PDXDC1: variants seen among roughly 807,000 people sequenced by gnomAD.
PDXDC1 encodes pyridoxal dependent decarboxylase domain containing 1.
In PDXDC1, 42 loss-of-function variants were observed where a neutral mutation model predicts 100.1. The observed-to-expected ratio is 0.42, with a 90% CI of 0.33 to 0.54. PDXDC1 has a LOEUF of 0.54. PDXDC1 is among the 20% of genes least tolerant of loss of function. PDXDC1 has a pLI of 0.10. For synonymous variants in PDXDC1, 260 were observed against 371.7 expected (o/e 0.70, Z 3.46); for missense variants, 636 against 979.2 (o/e 0.65, Z 4.68).
intron 16 of PDXDC1, among the ~76,000 whole-genome samples, chr16:15,066,891 C>A (rs1431428849): frequency 1.3e-5 from 2 of 152,056 alleles, no homozygotes; most frequent in African/African-American, 4.8e-5. Flanking sequence ...ACACTCTGTG[C>A]CTCCAATGCG....
intron 16 of PDXDC1, among the ~76,000 whole-genome samples, chr16:15,056,572 T>C (rs1262747735): frequency 1.3e-5 from 2 of 151,862 alleles, no homozygotes; most frequent in African/African-American, 2.4e-5. Context: ...GGCCAGGAGT[T>C]CGAGACCAGC....
At chr16:14,981,617 A>G (rs112828975) in intron 1 of PDXDC1, among the ~76,000 whole-genome samples, 2,246 of 151,680 alleles carry the variant, frequency 0.015, no homozygotes, top group East Asian at 0.051. Flanking sequence ...TCGTGTTATA[A>G]GATCTGTGTG....
chr16:15,091,673 C>A (rs1048523027), intron 16 of PDXDC1, among the ~76,000 whole-genome samples: 9 of 152,160 alleles, frequency 5.9e-5, no homozygotes, highest in African/African-American at 2.2e-4. Context: ...AAACAGCCAG[C>A]TATAATGATC....
intron 16 of PDXDC1, among the ~76,000 whole-genome samples, chr16:15,123,035 CGGGGCAAGGGAGCGTGAGGCTTA>C: frequency 6.6e-6 from 1 of 150,496 alleles, no homozygotes; most frequent in Non-Finnish European, 1.5e-5. Context: ...ACAGGACACG[CGGGGCAAGGGAGCGTGAGGCTTA>C]GGAGCAATTA....
chr16:15,044,629 C>T (rs2043971279), intron 16 of PDXDC1: 6 of 579,850 alleles, frequency 1.0e-5, no homozygotes, highest in East Asian at 8.5e-5. Flanking sequence ...TGAGGGGATC[C>T]GTATCTGAAC....
chr16:14,999,772 A>G (rs987788339), intron 3 of PDXDC1, among the ~76,000 whole-genome samples: 4 of 152,284 alleles, frequency 2.6e-5, no homozygotes, highest in African/African-American at 4.8e-5. Flanking sequence ...ATAGCAAAAA[A>G]GTAAGTAGCT....
intron 16 of PDXDC1, among the ~76,000 whole-genome samples, chr16:15,122,282 C>T (rs2047461055): frequency 6.7e-6 from 1 of 149,642 alleles, no homozygotes; most frequent in East Asian, 2.0e-4. Context: ...GCCATCTCGG[C>T]TCACTGCAAC....
At chr16:15,001,712 A>C in intron 3 of PDXDC1, 64 bp from the exon 4 acceptor site, 1 of 1,404,844 alleles carries the variant, frequency 7.1e-7, no homozygotes, top group Non-Finnish European at 9.7e-7. Context: ...TGAGGGAAGT[A>C]GCGGGAGAGT....
downstream of PDXDC1, among the ~76,000 whole-genome samples, chr16:15,039,349 A>G (rs2043703093): frequency 6.6e-6 from 1 of 152,208 alleles, no homozygotes; most frequent in African/African-American, 2.4e-5. Context: ...GCATTTCATA[A>G]ATGAGAAGAT....
chr16:15,133,209 T>A, intron 16 of PDXDC1: 2 of 1,189,910 alleles, frequency 1.7e-6, no homozygotes, highest in African/African-American at 3.0e-5. Flanking sequence ...GGTACAGGTC[T>A]TGGTCCCCAG....
chr16:15,003,847 G>C (rs1458994797), intron 4 of PDXDC1, among the ~76,000 whole-genome samples: 18 of 152,338 alleles, frequency 1.2e-4, no homozygotes, highest in Admixed American at 6.5e-5. Flanking sequence ...AGCCGGGCTT[G>C]GTGGTGCGCG....
intron 1 of PDXDC1, among the ~76,000 whole-genome samples, chr16:14,977,631 G>A (rs894536111): frequency 6.6e-6 from 1 of 152,282 alleles, no homozygotes; most frequent in Non-Finnish European, 1.5e-5. Context: ...TGGAATAAAC[G>A]ATTTATATTG....
Position 15,034,369 on chromosome 16 carries a change from T to C in PDXDC1, c.1896T>C (p.Leu632=). ...TGCAGAAGGCAAGTGAAGAACGGCT[T>C]CTGGAAGAGGTGAGGCCCCCGATGG... ...VELQKASEER[L]LEEGVLRQIP... Residue 632 remains leucine (L), a synonymous_variant, in exon 20 of 23, where the codon CTT becomes CTC. Transcript: ENST00000396410. 6.2e-7 allele frequency: 1 copy of C among 1,613,512 alleles called. No individual in the cohort carries two copies. Among genetic ancestry groups the C allele is most frequent in the Non-Finnish European group, 8.5e-7 (1 of 1,179,990 alleles).
chr16:15,038,348 TA>T (rs2043636723), downstream of PDXDC1: 2 of 621,242 alleles, frequency 3.2e-6, no homozygotes, highest in Admixed American at 7.9e-5. Flanking sequence ...CCTGAATTAG[TA>T]AGAAAAAAGT....
rs1264920498 is a variant in PDXDC1, at chr16:14,989,941, G to A, written c.22-7812G>A. 1.2e-5 allele frequency: 18 copies of A among 1,470,622 alleles called. No individual in the cohort carries two copies. In the Admixed American group the frequency reaches 1.3e-4, roughly 10 times the overall value. 91.1% of individuals were successfully genotyped at this position (1,470,622 alleles called of 1,614,324 possible). On this transcript the variant is annotated intron_variant, in intron 1 of 22. Coordinates refer to ENST00000396410, the MANE Select transcript of PDXDC1 (RefSeq NM_015027.4). The stretch of plus-strand genomic sequence containing the variant: ...GCCTCGCCGCGCTCCCGCAGGCCGC[G>A]CCAGGCGCGGGTGGCCGCCTCCAGG...
At chr16:15,103,294 CG>C (rs2151852309) in intron 16 of PDXDC1, 1 of 581,172 alleles carries the variant, frequency 1.7e-6, no homozygotes, top group African/African-American at 2.0e-5. Context: ...CTGAGGAGGC[CG>C]GCTGCAGCCC....
chr16:15,035,075 C>T (rs2043322223), intron 21 of PDXDC1, among the ~76,000 whole-genome samples: 2 of 152,184 alleles, frequency 1.3e-5, no homozygotes, highest in South Asian at 4.1e-4. Flanking sequence ...ACTCGAGCCC[C>T]TTCCTTCATT....
intron 5 of PDXDC1, among the ~76,000 whole-genome samples, chr16:15,005,919 G>A (rs1974152974): frequency 6.6e-6 from 1 of 152,274 alleles, no homozygotes; most frequent in African/African-American, 2.4e-5. Context: ...AAAACTCCTG[G>A]TCAGGTGATC....
At chr16:15,074,329 G>C (rs1329951097) in intron 16 of PDXDC1, among the ~76,000 whole-genome samples, 1 of 152,150 alleles carries the variant, frequency 6.6e-6, no homozygotes, top group African/African-American at 2.4e-5. Flanking sequence ...AGCACATATA[G>C]TACTAACACT....
Sources: allele counts gnomAD v4.1 joint callset (sites outside exome capture counted in the v4.1 genomes callset), GRCh38; gene constraint gnomAD v4.1.1; transcripts MANE v1.5; gene names NCBI Gene and HGNC (gene_info 2026-07-23, HGNC 2026-07-21).